The following CRY1 variants were observed in gnomAD, a reference collection of about 807,000 sequenced individuals.
CRY1 encodes the protein cryptochrome-1.
Under a neutral mutation model 76.0 loss-of-function variants are expected in CRY1, and 45 were observed. The observed-to-expected ratio is 0.59, with a 90% CI of 0.47 to 0.76. The LOEUF is 0.76. CRY1 is among the 30% of genes least tolerant of loss of function. The pLI, the probability that CRY1 is intolerant of heterozygous loss-of-function variation, is 0.00. For missense variants in CRY1, 587 were observed against 716.4 expected (o/e 0.82, Z 2.06); for synonymous variants, 248 against 244.0 (o/e 1.02, Z -0.15).
At chr12:107,070,712 T>A (rs1268580825) in intron 1 of CRY1, among the ~76,000 whole-genome samples, 1 of 147,440 alleles carries the variant, frequency 6.8e-6, no homozygotes, top group Admixed American at 6.9e-5. Context: ...ATTTATTTAT[T>A]TATTTTGAGA....
intron 1 of CRY1, among the ~76,000 whole-genome samples, chr12:107,091,946 T>C (rs759425790): frequency 6.6e-6 from 1 of 152,212 alleles, no homozygotes; most frequent in Non-Finnish European, 1.5e-5. Context: ...TTTATCCCTT[T>C]ACTCTGCTCT....
intron 3 of CRY1, among the ~76,000 whole-genome samples, chr12:107,004,041 G>A (rs930608774): frequency 3.9e-5 from 6 of 151,996 alleles, no homozygotes; most frequent in African/African-American, 1.4e-4. Context: ...TCCTGACCTC[G>A]TGATCCATCT....
chr12:107,026,995 G>A (rs1952623932), intron 1 of CRY1, among the ~76,000 whole-genome samples: 2 of 152,122 alleles, frequency 1.3e-5, no homozygotes, highest in South Asian at 4.2e-4. Flanking sequence ...AAGGTACAAC[G>A]CAATTAAGAC....
chr12:107,053,044 A>G (rs1952941378), intron 1 of CRY1, among the ~76,000 whole-genome samples: 1 of 152,226 alleles, frequency 6.6e-6, no homozygotes, highest in Non-Finnish European at 1.5e-5. Context: ...GAACTTGGAT[A>G]CATTTTGAAG....
chr12:107,011,360 CA>C (rs57985768), intron 2 of CRY1, among the ~76,000 whole-genome samples: 99,602 of 144,024 alleles, frequency 0.69, 34,055 homozygotes, highest in East Asian at 0.96. Context: ...AAAAAACAAA[CA>C]AAAAAAAAAA....
chr12:107,027,229 A>G (rs1952626668), intron 1 of CRY1, among the ~76,000 whole-genome samples: 2 of 152,160 alleles, frequency 1.3e-5, no homozygotes, highest in Non-Finnish European at 2.9e-5. Context: ...ACCAAGTTCA[A>G]CTTTAATGTA....
chr12:107,064,738 C>G (rs548273552), intron 1 of CRY1, among the ~76,000 whole-genome samples: 1 of 152,168 alleles, frequency 6.6e-6, no homozygotes, highest in African/African-American at 2.4e-5. Context: ...AGTGAAATGA[C>G]AGAAACCACA....
At chr12:107,048,266 G>C (rs552018707) in intron 1 of CRY1, among the ~76,000 whole-genome samples, 5 of 152,204 alleles carry the variant, frequency 3.3e-5, no homozygotes, top group Admixed American at 6.5e-5. Context: ...ATTTTTAGTA[G>C]AGACAGGGTT....
At chr12:107,052,834 A>C (rs1952938668) in intron 1 of CRY1, among the ~76,000 whole-genome samples, 1 of 152,244 alleles carries the variant, frequency 6.6e-6, no homozygotes, top group African/African-American at 2.4e-5. Context: ...ATTAGGTTAG[A>C]AAGTTATCAA....
intron 2 of CRY1, among the ~76,000 whole-genome samples, chr12:107,015,891 G>T (rs1042228382): frequency 2.6e-5 from 4 of 152,122 alleles, no homozygotes; most frequent in Non-Finnish European, 5.9e-5. Flanking sequence ...TCACTATGTT[G>T]CCCAGGCTGG....
chr12:107,018,593 T>C (rs965633481), intron 2 of CRY1, among the ~76,000 whole-genome samples: 1 of 151,478 alleles, frequency 6.6e-6, no homozygotes, highest in African/African-American at 2.4e-5. Flanking sequence ...TCTCAAAAAA[T>C]AAAAATAAAA....
At chr12:107,045,985 G>A (rs979836156) in intron 1 of CRY1, among the ~76,000 whole-genome samples, 4 of 152,070 alleles carry the variant, frequency 2.6e-5, no homozygotes, top group Non-Finnish European at 5.9e-5. Flanking sequence ...AAATTAGCTA[G>A]GTGTGGTGGC....
At chr12:107,011,017 T>C (rs1952438321) in intron 2 of CRY1, among the ~76,000 whole-genome samples, 1 of 152,040 alleles carries the variant, frequency 6.6e-6, no homozygotes, top group South Asian at 2.1e-4. Flanking sequence ...AACCAAAAGC[T>C]AGAAATAAGC....
At chr12:107,059,159 T>C (rs926591112) in intron 1 of CRY1, among the ~76,000 whole-genome samples, 7 of 152,244 alleles carry the variant, frequency 4.6e-5, no homozygotes, top group African/African-American at 1.7e-4. Flanking sequence ...TATGACATAA[T>C]GTGCCTAATA....
chr12:107,023,757 T>A (rs1952581299), intron 1 of CRY1, among the ~76,000 whole-genome samples: 1 of 152,216 alleles, frequency 6.6e-6, no homozygotes, highest in Non-Finnish European at 1.5e-5. Flanking sequence ...CACATTTATA[T>A]TTTATCACAT....
At position 106,995,228 on chromosome 12, in the gene CRY1, T is replaced by C. The variant is rs529594757; in HGVS notation, c.1585+2066A>G. ...GTTACTGTGAGAAAGTATGCAAAAA[T>C]CCCTTACTATCTACTGGGCAAAGGT... On this transcript the variant is annotated intron_variant, in intron 10 of 12. Coordinates refer to ENST00000008527, the MANE Select transcript of CRY1 (RefSeq NM_004075.5). Among the ~76,000 whole-genome samples the C allele has an allele frequency of 3.3e-5, 5 of 152,288 alleles. No individual in the cohort carries two copies. The East Asian group carries it at 9.6e-4, about 29-fold the overall frequency.
At chr12:107,051,683 C>A (rs920223702) in intron 1 of CRY1, among the ~76,000 whole-genome samples, 11 of 152,090 alleles carry the variant, frequency 7.2e-5, no homozygotes, top group Non-Finnish European at 1.5e-4. Context: ...CACTTTGTGA[C>A]AGCAGCATAA....
intron 1 of CRY1, among the ~76,000 whole-genome samples, chr12:107,063,243 G>A (rs910971529): frequency 6.6e-6 from 1 of 152,156 alleles, no homozygotes; most frequent in African/African-American, 2.4e-5. Context: ...TTACATCCAA[G>A]AAGAGGAGGA....
At chr12:107,001,997 A>C in intron 3 of CRY1, 49 bp from the exon 4 acceptor site, 3 of 1,473,638 alleles carry the variant, frequency 2.0e-6, no homozygotes, top group Non-Finnish European at 2.7e-6. Flanking sequence ...AAGACAATAC[A>C]TTTTGGCTAA....
Sources: gnomAD v4.1 joint callset for allele counts (sites outside exome capture counted in the v4.1 genomes callset) on GRCh38, gnomAD v4.1.1 for gene constraint, MANE v1.5 for transcripts, NCBI Gene and HGNC (gene_info 2026-07-23, HGNC 2026-07-21) for gene names.